PNOC: variants seen among roughly 807,000 people sequenced by gnomAD.
PNOC encodes prepronociceptin, also known as nociceptin.
PNOC carries 10 observed loss-of-function variants against 15.6 expected under a neutral mutation model. The observed-to-expected ratio is 0.64, with a 90% CI of 0.40 to 1.09. PNOC has a LOEUF of 1.09. Among genes scored for constraint, PNOC ranks in the 50% least tolerant of loss-of-function variants. PNOC has a pLI of 0.01. For synonymous variants in PNOC, 98 were observed against 88.5 expected (o/e 1.11, Z -0.60); for missense variants, 220 against 223.9 (o/e 0.98, Z 0.11).
At chr8:28,317,111 C>T (rs535246928), upstream of PNOC, 132 of 152,696 alleles carry the variant, frequency 8.6e-4, no homozygotes, top group Non-Finnish European at 1.4e-3. Context: ...GGTCTGATGG[C>T]AGAGCCGGGG....
At chr8:28,340,441 C>A (rs1352081492) in intron 3 of PNOC, among the ~76,000 whole-genome samples, 7 of 152,168 alleles carry the variant, frequency 4.6e-5, no homozygotes, top group African/African-American at 1.7e-4. Context: ...CAATACATCA[C>A]TTTGAGTGGC....
intron 1 of PNOC, among the ~76,000 whole-genome samples, chr8:28,325,826 G>A (rs971388358): frequency 6.6e-6 from 1 of 152,092 alleles, no homozygotes; most frequent in African/African-American, 2.4e-5. Flanking sequence ...CAGCAACAAG[G>A]TTATAAAATT....
intron 1 of PNOC, among the ~76,000 whole-genome samples, chr8:28,325,423 G>A (rs762954088): frequency 1.4e-4 from 22 of 152,066 alleles, no homozygotes; most frequent in Non-Finnish European, 3.1e-4. Flanking sequence ...GGAGGCCGAG[G>A]CAGGCAGATC....
chr8:28,330,712 A>G (rs956610127), intron 2 of PNOC, among the ~76,000 whole-genome samples: 1 of 151,702 alleles, frequency 6.6e-6, no homozygotes, highest in African/African-American at 2.4e-5. Context: ...TGTGCTCTTT[A>G]TTTTTGATAT....
At chr8:28,332,113 C>T (rs1248884654) in intron 2 of PNOC, among the ~76,000 whole-genome samples, 1 of 152,186 alleles carries the variant, frequency 6.6e-6, no homozygotes, top group Non-Finnish European at 1.5e-5. Context: ...GAAAATGGAC[C>T]TGTAAAAGCC....
intron 2 of PNOC, among the ~76,000 whole-genome samples, chr8:28,329,892 G>T (rs2614105): frequency 6.6e-6 from 1 of 151,974 alleles, no homozygotes; most frequent in Non-Finnish European, 1.5e-5. Flanking sequence ...ATCCAGAGAT[G>T]ATTTAAAGTG....
intron 2 of PNOC, among the ~76,000 whole-genome samples, chr8:28,336,029 C>CTCCT: frequency 5.9e-5 from 9 of 152,114 alleles, no homozygotes. Context: ...TGCAACAGTG[C>CTCCT]GCATGCTAAG....
At position 28,329,199 on chromosome 8, in the gene PNOC, C is replaced by T. The variant is rs781054493; in HGVS notation, c.42C>T (p.Phe14=). ...LLCDLLLLSL[F]SSVFSSCQRD... is the part of the protein sequence containing the mutation. The stretch of plus-strand genomic sequence containing the variant: ...GTGACCTGCTGCTGCTCAGTCTCTT[C>T]TCCAGTGTGTTCAGCAGTTGTCAGA... The change falls in exon 2 of 4, where the codon TTC becomes TTT. Residue 14 remains phenylalanine (F), a synonymous_variant. Transcript: ENST00000301908. 1.2e-6 allele frequency: 2 copies of T among 1,614,074 alleles called. No individual in the cohort carries two copies. The highest frequency in any genetic ancestry group is 1.7e-6 in the Non-Finnish European group (2 of 1,180,036).
chr8:28,317,833 C>T (rs76755170), intron 1 of PNOC, among the ~76,000 whole-genome samples: 1 of 152,098 alleles, frequency 6.6e-6, no homozygotes, highest in African/African-American at 2.4e-5. Context: ...GTTTTTAATC[C>T]GGAGGGAGCC....
In PNOC at chr8:28,321,206, A is replaced by ATTTT. The variant is rs34876674; in HGVS notation, c.-24+3908_-24+3911dup. The stretch of plus-strand genomic sequence containing the variant: ...GATGTGCACCACCACACCTAGCTAA[A>ATTTT]TTTTTTTTTTTTTTTTTTTTTGTAG... On this transcript the variant is annotated intron_variant, in intron 1 of 3. Coordinates refer to ENST00000301908, the MANE Select transcript of PNOC (RefSeq NM_006228.5). 7.0e-4 allele frequency among the ~76,000 whole-genome samples: 86 copies of ATTTT among 122,742 alleles called. 1 individual carries two copies. The highest frequency in any genetic ancestry group is 1.2e-3 in the East Asian group (5 of 4,218). 80.5% of individuals were successfully genotyped at this position (122,742 alleles called of 152,430 possible).
At chr8:28,328,262 A>G (rs780081799) in intron 1 of PNOC, among the ~76,000 whole-genome samples, 9 of 151,352 alleles carry the variant, frequency 5.9e-5, no homozygotes, top group Non-Finnish European at 1.2e-4. Context: ...TTTAGTAAAG[A>G]CAGGGTTTTG....
At chr8:28,321,007 G>T (rs972338577) in intron 1 of PNOC, among the ~76,000 whole-genome samples, 1 of 151,930 alleles carries the variant, frequency 6.6e-6, no homozygotes, top group African/African-American at 2.4e-5. Context: ...TGAGTTGGAG[G>T]TCTTGCTATA....
intron 2 of PNOC, among the ~76,000 whole-genome samples, chr8:28,334,545 A>G (rs1158172350): frequency 6.6e-6 from 1 of 152,088 alleles, no homozygotes; most frequent in Non-Finnish European, 1.5e-5. Context: ...CCAAGGCTGG[A>G]GTGCAGTACA....
intron 2 of PNOC, among the ~76,000 whole-genome samples, chr8:28,335,025 G>A (rs1241723405): frequency 3.9e-5 from 6 of 152,162 alleles, no homozygotes; most frequent in Non-Finnish European, 7.3e-5. Flanking sequence ...GAAAAACCAC[G>A]GCGTGAGCAT....
At chr8:28,327,398 C>A (rs1801241718) in intron 1 of PNOC, among the ~76,000 whole-genome samples, 1 of 152,174 alleles carries the variant, frequency 6.6e-6, no homozygotes, top group Non-Finnish European at 1.5e-5. Flanking sequence ...GGAATAGTTT[C>A]TTTGTTCGGT....
chr8:28,321,835 G>A (rs753945831), intron 1 of PNOC, among the ~76,000 whole-genome samples: 14 of 152,124 alleles, frequency 9.2e-5, no homozygotes, highest in Non-Finnish European at 1.5e-4. Flanking sequence ...CCTCTATGCC[G>A]TCCCCCTCTT....
In PNOC at chr8:28,339,238, G is replaced by A. The variant is rs1291746122; in HGVS notation, c.325G>A (p.Glu109Lys). The change falls in exon 3 of 4, where the codon GAA (glutamate) becomes AAA (lysine). Residue 109 changes from glutamate to lysine, a missense_variant. By Grantham distance (56) the Glu-to-Lys change is moderately conservative (BLOSUM62 1). Coordinates refer to ENST00000301908, the MANE Select transcript of PNOC (RefSeq NM_006228.5). ...PRVRSLFQEQEEPEPGMEEAG... is the reference protein window; with the variant it reads ...PRVRSLFQEQKEPEPGMEEAG... ...AGTCCGGAGCTTGTTCCAGGAGCAGGAAGAGCCCGAGCCTGGCATGGAGGA... is the reference window on the plus strand; with the variant it reads ...AGTCCGGAGCTTGTTCCAGGAGCAGAAAGAGCCCGAGCCTGGCATGGAGGA... 6.2e-7 allele frequency: 1 copy of A among 1,611,014 alleles called. No homozygotes were observed. The highest frequency in any genetic ancestry group is 1.1e-5 in the South Asian group (1 of 91,016).
chr8:28,339,173 C>A lies in PNOC; in HGVS notation c.260C>A (p.Pro87Gln), dbSNP rs753670435. The change falls in exon 3 of 4, where the codon CCG becomes CAG. Residue 87 changes from proline to glutamine, a missense_variant. Coordinates refer to ENST00000301908, the MANE Select transcript of PNOC (RefSeq NM_006228.5). ...PEHVAAALYQ[P>Q]RASEMQHLRR... ...CATGTGGCGGCTGCTCTCTACCAGC[C>A]GAGAGCTTCGGAGATGCAGCATCTG... The A allele has an allele frequency of 1.9e-6, 3 of 1,613,738 alleles. No homozygotes were observed. The highest frequency in any genetic ancestry group is 1.1e-5 in the South Asian group (1 of 91,082).
chr8:28,328,375 G>T (rs1026109787), intron 1 of PNOC, among the ~76,000 whole-genome samples: 1 of 152,108 alleles, frequency 6.6e-6, no homozygotes, highest in African/African-American at 2.4e-5. Flanking sequence ...ACTGTGCCTG[G>T]CCCAAAGATC....
Sources: gnomAD v4.1 joint callset for allele counts (sites outside exome capture counted in the v4.1 genomes callset) on GRCh38, gnomAD v4.1.1 for gene constraint, MANE v1.5 for transcripts, NCBI Gene and HGNC (gene_info 2026-07-23, HGNC 2026-07-21) for gene names.